The following VGLL4 variants were observed in gnomAD, a reference collection of about 807,000 sequenced individuals.
The protein encoded by VGLL4 is transcription cofactor vestigial-like protein 4.
In VGLL4, 7 loss-of-function variants were observed where a neutral mutation model predicts 21.0. The observed-to-expected ratio is 0.33, with a 90% CI of 0.19 to 0.63. The LOEUF (loss-of-function observed/expected upper bound fraction) is 0.63, where lower values mean the gene tolerates loss of function less well. VGLL4 is among the 20% of genes least tolerant of loss of function. VGLL4 has a pLI of 0.78. For synonymous variants in VGLL4, 222 were observed against 173.2 expected (o/e 1.28, Z -2.21); for missense variants, 394 against 425.7 (o/e 0.93, Z 0.66).
intron 2 of VGLL4, among the ~76,000 whole-genome samples, chr3:11,659,627 C>T (rs1427037594): frequency 1.4e-5 from 2 of 145,748 alleles, no homozygotes; most frequent in African/African-American, 5.1e-5. Context: ...AGCCACCACG[C>T]CCAGCTTCAA....
At position 11,643,738 on chromosome 3, in the gene VGLL4, G is replaced by T; in HGVS notation, c.-220C>A. 2 of 1,386,558 alleles carry T rather than the reference G, an allele frequency of 1.4e-6. No individual in the cohort carries two copies. Among genetic ancestry groups the T allele is most frequent in the Non-Finnish European group, 1.9e-6 (2 of 1,071,980 alleles). The allele number at this position is 1,386,558 out of a possible 1,614,324, so 85.9% of individuals were successfully genotyped here. A position where few individuals can be genotyped will look rare whatever the true frequency, so the allele number is the denominator to read the frequency against. On this transcript the variant is annotated 5_prime_UTR_variant, in exon 1 of 5. Transcript: ENST00000430365. ...ACCCTTCAAGGGCTTACTGGTAGAC[G>T]GTGTATGTACTGTATCCCCGATCGA...
chr3:11,650,413 A>G (rs2075853503), intron 2 of VGLL4, among the ~76,000 whole-genome samples: 1 of 152,236 alleles, frequency 6.6e-6, no homozygotes, highest in African/African-American at 2.4e-5. Context: ...AATAAAAGCC[A>G]AATACTCTTC....
chr3:11,632,305 T>A (rs542583288), intron 1 of VGLL4, among the ~76,000 whole-genome samples: 1 of 126,496 alleles, frequency 7.9e-6, no homozygotes, highest in South Asian at 2.7e-4. Context: ...AGAGCAACAC[T>A]CTGTCTCAAA....
rs60921966 is a variant in VGLL4 at position 11,717,490 on chromosome 3, A to ATTTTTTTTTTTTTTTTTT, written c.-14+2886_-14+2903dup. Among the ~76,000 whole-genome samples the ATTTTTTTTTTTTTTTTTT allele has an allele frequency of 8.2e-5, 6 of 72,940 alleles. 1 individual carries two copies. The highest frequency in any genetic ancestry group is 3.3e-4 in the African/African-American group (5 of 15,374). The allele number at this position is 72,940 out of a possible 152,430, so 47.9% of individuals were successfully genotyped here. A position where few individuals can be genotyped will look rare whatever the true frequency, so the allele number is the denominator to read the frequency against. Reference sequence around the variant, plus strand: ...AGTTAAGAGGAATTTCCCACTACAGATTTTTTTTTTTTTTTTTTTTTTTTG... The same window carrying ATTTTTTTTTTTTTTTTTT: ...AGTTAAGAGGAATTTCCCACTACAGATTTTTTTTTTTTTTTTTTTTTTTTTTTTTTTTTTTTTTTTTTG... On this transcript the variant is annotated intron_variant, in intron 1 of 5. Coordinates refer to the VGLL4 transcript ENST00000273038.
At chr3:11,695,811 G>T (rs2076599425) in intron 2 of VGLL4, among the ~76,000 whole-genome samples, 3 of 152,024 alleles carry the variant, frequency 2.0e-5, no homozygotes, top group Non-Finnish European at 4.4e-5. Flanking sequence ...CACCCCTCTG[G>T]TATTTTAGGA....
At chr3:11,586,755 G>C (rs1273403864) in intron 2 of VGLL4, among the ~76,000 whole-genome samples, 1 of 152,182 alleles carries the variant, frequency 6.6e-6, no homozygotes, top group African/African-American at 2.4e-5. Context: ...AGGATATCCA[G>C]GGACGGCTGT....
intron 2 of VGLL4, among the ~76,000 whole-genome samples, chr3:11,586,673 T>C (rs930738974): frequency 6.6e-5 from 10 of 152,238 alleles, no homozygotes; most frequent in Non-Finnish European, 1.2e-4. Context: ...GCAAATATTA[T>C]GCCATTTTAC....
At chr3:11,701,584 G>A (rs548505940) in intron 2 of VGLL4, among the ~76,000 whole-genome samples, 11 of 152,300 alleles carry the variant, frequency 7.2e-5, no homozygotes, top group African/African-American at 2.6e-4. Flanking sequence ...AGTAAGCTCA[G>A]TACACACGAC....
chr3:11,686,725 T>G (rs2076454367), intron 2 of VGLL4, among the ~76,000 whole-genome samples: 1 of 152,208 alleles, frequency 6.6e-6, no homozygotes, highest in African/African-American at 2.4e-5. Context: ...ATTTTAAATT[T>G]TGTCCCTATG....
At chr3:11,561,020 C>T (rs1378859532) in intron 3 of VGLL4, among the ~76,000 whole-genome samples, 1 of 152,028 alleles carries the variant, frequency 6.6e-6, no homozygotes, top group East Asian at 1.9e-4. Flanking sequence ...GAGACCTGGA[C>T]ACGCACAGAG....
intron 1 of VGLL4, chr3:11,633,451 CGAGGTCAA>C (rs1249141108): frequency 6.6e-6 from 1 of 152,518 alleles, no homozygotes; most frequent in African/African-American, 2.4e-5. Flanking sequence ...GGCAAGATCA[CGAGGTCAA>C]GAGATCAAGA....
chr3:11,687,563 GC>G (rs983765906), intron 2 of VGLL4, among the ~76,000 whole-genome samples: 1 of 152,096 alleles, frequency 6.6e-6, no homozygotes, highest in Non-Finnish European at 1.5e-5. Flanking sequence ...TCCCACTTCA[GC>G]CTCCCACAGT....
chr3:11,649,657 T>C (rs1309424289), intron 2 of VGLL4, among the ~76,000 whole-genome samples: 1 of 152,188 alleles, frequency 6.6e-6, no homozygotes, highest in Non-Finnish European at 1.5e-5. Flanking sequence ...CTTTAGAACT[T>C]TGGAACATTC....
At chr3:11,658,263 G>A (rs533847992) in intron 2 of VGLL4, among the ~76,000 whole-genome samples, 1 of 152,160 alleles carries the variant, frequency 6.6e-6, no homozygotes, top group East Asian at 1.9e-4. Flanking sequence ...GGAGAGAAAT[G>A]AGCAAATACA....
chr3:11,599,411 G>C (rs1194806874), intron 2 of VGLL4, among the ~76,000 whole-genome samples: 1 of 149,906 alleles, frequency 6.7e-6, no homozygotes, highest in Non-Finnish European at 1.5e-5. Flanking sequence ...ATTGTGATTT[G>C]CACATAAAAT....
intron 2 of VGLL4, among the ~76,000 whole-genome samples, chr3:11,701,759 C>A (rs994274310): frequency 1.8e-4 from 28 of 152,198 alleles, no homozygotes; most frequent in African/African-American, 6.8e-4. Flanking sequence ...AAGGACTAAA[C>A]TGGAAAGAGC....
At chr3:11,698,379 C>A (rs1286274330) in intron 2 of VGLL4, among the ~76,000 whole-genome samples, 1 of 151,732 alleles carries the variant, frequency 6.6e-6, no homozygotes, top group African/African-American at 2.4e-5. Flanking sequence ...CGTGGTGACA[C>A]ACGCCTGTAG....
intron 3 of VGLL4, among the ~76,000 whole-genome samples, chr3:11,563,503 A>T (rs568673381): frequency 6.6e-6 from 1 of 152,146 alleles, no homozygotes; most frequent in African/African-American, 2.4e-5. Context: ...TTCCCCAATT[A>T]GACTGGGAGC....
chr3:11,679,616 G>A (rs1216078884), intron 2 of VGLL4, among the ~76,000 whole-genome samples: 3 of 152,054 alleles, frequency 2.0e-5, no homozygotes, highest in African/African-American at 7.2e-5. Flanking sequence ...CTGGGAGGCG[G>A]AGCTTGCAGT....
Sources: allele counts gnomAD v4.1 joint callset (sites outside exome capture counted in the v4.1 genomes callset), GRCh38; gene constraint gnomAD v4.1.1; transcripts MANE v1.5; gene names NCBI Gene and HGNC (gene_info 2026-07-23, HGNC 2026-07-21).